The following ANKS1B variants were observed in gnomAD, a reference collection of about 807,000 sequenced individuals.
The protein encoded by ANKS1B is ankyrin repeat and sterile alpha motif domain containing 1B, also known as ankyrin repeat and sterile alpha motif domain-containing protein 1B.
ANKS1B carries 36 observed loss-of-function variants against 148.3 expected under a neutral mutation model. The ratio of observed to expected loss-of-function variants is 0.24; its 90% CI spans 0.19 to 0.32. ANKS1B has a LOEUF of 0.32. Ranked by LOEUF, ANKS1B falls within the 10% of genes least tolerant of loss-of-function variation. The pLI is 1.00. For synonymous variants in ANKS1B, 542 were observed against 560.8 expected (o/e 0.97, Z 0.47); for missense variants, 1,157 against 1,542.6 (o/e 0.75, Z 4.19).
At chr12:99,050,268 T>A (rs2099965119) in intron 17 of ANKS1B, among the ~76,000 whole-genome samples, 1 of 152,238 alleles carries the variant, frequency 6.6e-6, no homozygotes, top group Non-Finnish European at 1.5e-5. Flanking sequence ...TTTCTCATTT[T>A]AAAACCCAGT....
intron 1 of ANKS1B, among the ~76,000 whole-genome samples, chr12:99,845,708 T>C (rs1283489865): frequency 6.6e-6 from 1 of 152,112 alleles, no homozygotes; most frequent in Non-Finnish European, 1.5e-5. Flanking sequence ...TCTGCCAGGT[T>C]TTGGTATCAC....
intron 15 of ANKS1B, among the ~76,000 whole-genome samples, chr12:99,139,557 G>C (rs1287737790): frequency 1.4e-5 from 2 of 145,136 alleles, no homozygotes; most frequent in Admixed American, 7.2e-5. Context: ...GGGATTACAG[G>C]TGCAAGCCAC....
intron 1 of ANKS1B, among the ~76,000 whole-genome samples, chr12:99,829,609 C>T (rs1455402504): frequency 1.3e-5 from 2 of 152,152 alleles, no homozygotes; most frequent in Non-Finnish European, 2.9e-5. Context: ...CGAGATCGCA[C>T]CACTGCACTC....
intron 9 of ANKS1B, among the ~76,000 whole-genome samples, chr12:99,573,895 C>T (rs1364393146): frequency 1.3e-5 from 2 of 151,266 alleles, no homozygotes; most frequent in Non-Finnish European, 2.9e-5. Flanking sequence ...GACTTCGCTA[C>T]TCAAAAAAAA....
intron 12 of ANKS1B, among the ~76,000 whole-genome samples, chr12:99,304,053 C>T (rs11109800): frequency 0.058 from 8,813 of 152,072 alleles, 352 homozygotes; most frequent in Admixed American, 0.13. Context: ...TTTGTGATTG[C>T]GAATTGTGCT....
chr12:99,284,396 T>C (rs1426228715), intron 12 of ANKS1B, among the ~76,000 whole-genome samples: 1 of 152,174 alleles, frequency 6.6e-6, no homozygotes, highest in African/African-American at 2.4e-5. Flanking sequence ...AGATGGACAA[T>C]AAAATGAGCT....
At chr12:99,107,237 G>A (rs955725849) in intron 15 of ANKS1B, among the ~76,000 whole-genome samples, 36 of 151,916 alleles carry the variant, frequency 2.4e-4, no homozygotes, top group East Asian at 5.8e-4. Flanking sequence ...ACTTTTACAC[G>A]TGCCTCTAAG....
rs185654130 is a variant in ANKS1B at position 99,213,510 on chromosome 12, G to A, written c.2419+30832C>T. Among the ~76,000 whole-genome samples, 22 of 152,232 alleles carry A rather than the reference G, an allele frequency of 1.4e-4. No individual in the cohort carries two copies. The East Asian group carries it at 3.3e-3, about 23-fold the overall frequency. On this transcript the variant is annotated intron_variant, in intron 14 of 26. Transcript: ENST00000683438. Reference sequence around the variant, plus strand: ...AATTTGGGGAGAAGTCCACTCAGACGTGTCTAAAGCAGATTACCTTTGAAG... The same window carrying A: ...AATTTGGGGAGAAGTCCACTCAGACATGTCTAAAGCAGATTACCTTTGAAG...
chr12:99,527,349 T>G (rs1166055012), intron 9 of ANKS1B, among the ~76,000 whole-genome samples: 2 of 152,092 alleles, frequency 1.3e-5, no homozygotes, highest in Admixed American at 6.6e-5. Context: ...TTCCCAAAAG[T>G]GTAATAGGTA....
intron 15 of ANKS1B, among the ~76,000 whole-genome samples, chr12:99,134,308 G>A (rs1476376507): frequency 6.6e-6 from 1 of 152,122 alleles, no homozygotes; most frequent in African/African-American, 2.4e-5. Flanking sequence ...AAAGCTATAT[G>A]GATCTGGGAG....
intron 1 of ANKS1B, among the ~76,000 whole-genome samples, chr12:99,949,761 AC>A (rs2095166873): frequency 2.0e-5 from 3 of 152,104 alleles, no homozygotes; most frequent in Non-Finnish European, 2.9e-5. Context: ...AATTCAACCC[AC>A]CATCTGTCTC....
At chr12:99,112,195 C>A (rs890492511) in intron 15 of ANKS1B, among the ~76,000 whole-genome samples, 1 of 152,094 alleles carries the variant, frequency 6.6e-6, no homozygotes, top group Non-Finnish European at 1.5e-5. Context: ...CAACTTGAGG[C>A]TTCTGGCATC....
In ANKS1B at chr12:99,513,629, C is replaced by CT. The variant is rs571757083; in HGVS notation, c.1273-8989dup. Among the ~76,000 whole-genome samples, 7 of 152,098 alleles carry CT rather than the reference C, an allele frequency of 4.6e-5. No homozygotes were observed. The South Asian group carries it at 1.0e-3, about 23-fold the overall frequency. On this transcript the variant is annotated intron_variant, in intron 9 of 26. Coordinates refer to ENST00000683438, the MANE Select transcript of ANKS1B (RefSeq NM_001352186.2). Reference sequence around the variant, plus strand: ...CCATATATCCAGGCACTAAAAGAACCTGGGATATGGTTCACTTTTCATTCT... The same window carrying CT: ...CCATATATCCAGGCACTAAAAGAACCTTGGGATATGGTTCACTTTTCATTCT...
chr12:99,285,967 G>A (rs1209469899), intron 12 of ANKS1B, among the ~76,000 whole-genome samples: 5 of 152,082 alleles, frequency 3.3e-5, no homozygotes, highest in Non-Finnish European at 7.3e-5. Context: ...AAACTTGAAA[G>A]ATGGTCTAGG....
Position 99,402,900 on chromosome 12 carries a change from C to A in ANKS1B, c.1576-3089G>T, listed in dbSNP as rs188911123. ...AGTCTTTGAGGAATCACTGCATTCT[C>A]TTCCACAATGGTTGAACTAATGTAT... On this transcript the variant is annotated intron_variant, in intron 11 of 26. Transcript: ENST00000683438. Among the ~76,000 whole-genome samples, 21 of 145,482 alleles carry A rather than the reference C, an allele frequency of 1.4e-4. No homozygotes were observed. The East Asian group carries it at 3.3e-3, about 23-fold the overall frequency.
At chr12:99,972,533 T>G (rs1157270142) in intron 1 of ANKS1B, among the ~76,000 whole-genome samples, 2 of 152,128 alleles carry the variant, frequency 1.3e-5, no homozygotes, top group Non-Finnish European at 2.9e-5. Context: ...CTAACTCTCT[T>G]CAATTCCATC....
intron 1 of ANKS1B, among the ~76,000 whole-genome samples, chr12:99,894,311 G>C (rs868520868): frequency 4.6e-5 from 4 of 86,066 alleles, no homozygotes; most frequent in South Asian, 4.9e-4. Context: ...GAGGGAGGGA[G>C]GGAGGGAGGG....
intron 2 of ANKS1B, among the ~76,000 whole-genome samples, chr12:99,816,835 T>G (rs774893235): frequency 3.6e-4 from 55 of 151,852 alleles, no homozygotes; most frequent in Middle Eastern, 3.4e-3. Flanking sequence ...AATTTAAATT[T>G]CATATATAAT....
At chr12:99,620,057 G>T (rs892960087) in intron 9 of ANKS1B, among the ~76,000 whole-genome samples, 1 of 152,042 alleles carries the variant, frequency 6.6e-6, no homozygotes, top group South Asian at 2.1e-4. Flanking sequence ...ACCTATAAGC[G>T]CCATCTACTG....
Sources: gnomAD v4.1 joint callset for allele counts (sites outside exome capture counted in the v4.1 genomes callset) on GRCh38, gnomAD v4.1.1 for gene constraint, MANE v1.5 for transcripts, NCBI Gene and HGNC (gene_info 2026-07-23, HGNC 2026-07-21) for gene names.